The following CENPI variants were observed in gnomAD, a reference collection of about 807,000 sequenced individuals.
CENPI encodes FSH primary response 1.
A neutral mutation model predicts 60.4 loss-of-function variants in CENPI; 4 were observed. That is an observed-to-expected ratio of 0.07 (90% CI 0.03 to 0.15). CENPI has a LOEUF of 0.15. Among genes scored for constraint, CENPI ranks in the 10% least tolerant of loss-of-function variants. The pLI, the probability that CENPI is intolerant of heterozygous loss-of-function variation, is 1.00. For synonymous variants in CENPI, 157 were observed against 189.4 expected (o/e 0.83, Z 1.40); for missense variants, 444 against 534.5 (o/e 0.83, Z 1.67).
At chrX:101,157,698 T>G (rs1175229866) in intron 20 of CENPI, among the ~76,000 whole-genome samples, 1 of 108,608 alleles carries the variant, frequency 9.2e-6, no homozygotes, top group Admixed American at 1.0e-4. Flanking sequence ...TTCATTTTTT[T>G]AATATGGGGT....
intron 10 of CENPI, 44 bp downstream of exon 10, chrX:101,127,310 T>C: frequency 9.2e-7 from 1 of 1,083,677 alleles, no homozygotes; most frequent in Non-Finnish European, 1.2e-6. Flanking sequence ...TTTCTTTTAT[T>C]AAATCCAAAT....
At chrX:101,142,051 T>A (rs1230809348) in intron 16 of CENPI, among the ~76,000 whole-genome samples, 2 of 111,848 alleles carry the variant, frequency 1.8e-5, no homozygotes, top group African/African-American at 3.2e-5. Context: ...TCTCTTTTAC[T>A]TGTGGTTCTC....
chrX:101,166,243 C>T (rs749339887), downstream of CENPI, among the ~76,000 whole-genome samples: 2 of 111,724 alleles, frequency 1.8e-5, no homozygotes, highest in East Asian at 5.7e-4. Context: ...GCAACCTCTG[C>T]CTCCCGGATT....
chrX:101,102,815 G>A (rs1404182730), intron 4 of CENPI, among the ~76,000 whole-genome samples: 1 of 107,005 alleles, frequency 9.3e-6, no homozygotes, highest in Non-Finnish European at 1.9e-5. Context: ...GAGTAGCTGG[G>A]ACTACAGGTG....
Position 101,110,142 on chromosome X carries a change from A to G in CENPI, c.591+144A>G, listed in dbSNP as rs2089538057. On this transcript the variant is annotated intron_variant, in intron 6 of 21. Transcript: ENST00000682095. Reference sequence around the variant, plus strand: ...AAACATATAGAAATGTACCAAGATAACGTAGACATATCAAATATACAGAAA... The same window carrying G: ...AAACATATAGAAATGTACCAAGATAGCGTAGACATATCAAATATACAGAAA... 1.2e-5 allele frequency: 4 copies of G among 342,807 alleles called. No homozygotes were observed. The Admixed American group carries it at 2.2e-4, about 19-fold the overall frequency. 28.3% of individuals were successfully genotyped at this position (342,807 alleles called of 1,213,427 possible).
At chrX:101,160,645 C>T (rs1602866473) in intron 20 of CENPI, among the ~76,000 whole-genome samples, 1 of 110,639 alleles carries the variant, frequency 9.0e-6, no homozygotes, top group East Asian at 2.8e-4. Flanking sequence ...GCCTCAGCCT[C>T]CCAAAGTGCT....
chrX:101,132,355 T>G (rs1384298400), intron 14 of CENPI, 37 bp from the exon 15 acceptor site: 19 of 1,195,344 alleles, frequency 1.6e-5, no homozygotes, highest in Non-Finnish European at 2.2e-5. Context: ...GTACTATGAT[T>G]GAAAGGATTT....
chrX:101,132,831 A>G (rs1425361954), intron 15 of CENPI, among the ~76,000 whole-genome samples: 3 of 111,875 alleles, frequency 2.7e-5, no homozygotes, highest in Non-Finnish European at 3.8e-5. Flanking sequence ...CCTTCTTGAC[A>G]CTGGGAATAT....
intron 8 of CENPI, among the ~76,000 whole-genome samples, chrX:101,123,780 G>T (rs1414509769): frequency 9.1e-6 from 1 of 109,559 alleles, no homozygotes; most frequent in East Asian, 2.9e-4. Context: ...TAGAGACAGG[G>T]TCTCTCTATG....
intron 20 of CENPI, among the ~76,000 whole-genome samples, chrX:101,156,058 G>T (rs1385696628): frequency 9.1e-6 from 1 of 109,985 alleles, no homozygotes; most frequent in Non-Finnish European, 1.9e-5. Flanking sequence ...CGTCACCCAG[G>T]CTGGAGTGCA....
intron 6 of CENPI, among the ~76,000 whole-genome samples, chrX:101,117,349 C>T (rs1213361571): frequency 3.6e-5 from 4 of 111,453 alleles, no homozygotes; most frequent in East Asian, 2.8e-4. Flanking sequence ...TACAGGCATG[C>T]ACCACCATGC....
Position 101,109,541 on chromosome X carries a change from G to C in CENPI, c.433G>C (p.Val145Leu), listed in dbSNP as rs2051707966. ...AACAGTAATATCAGAAGATTCTGTG[G>C]TTAAGGCAGTCTCCTGGCTTTGTGT... ...PATVISEDSV[V>L]KAVSWLCVGK... is the part of the protein sequence containing the mutation. Residue 145 changes from valine (V) to leucine (L), a missense_variant, in exon 5 of 22, where the codon GTT (valine) becomes CTT (leucine). By Grantham distance (32) the Val-to-Leu change is conservative. Coordinates refer to ENST00000682095, the MANE Select transcript of CENPI (RefSeq NM_001386188.2). 8.3e-7 allele frequency: 1 copy of C among 1,208,521 alleles called. No individual in the cohort carries two copies. Among genetic ancestry groups the C allele is most frequent in the South Asian group, 1.8e-5 (1 of 56,835 alleles).
intron 18 of CENPI, 71 bp from the exon 19 acceptor site, chrX:101,147,692 A>G (rs1051653465): frequency 7.3e-6 from 6 of 818,869 alleles, no homozygotes; most frequent in Non-Finnish European, 1.1e-5. Flanking sequence ...TTTTTTTTAA[A>G]TTTTACCATT....
chrX:101,120,325 A>G, intron 6 of CENPI, 77 bp from the exon 7 acceptor site: 1 of 481,614 alleles, frequency 2.1e-6, no homozygotes. Flanking sequence ...CGTAAGATTG[A>G]CATTTGAGGA....
intron 15 of CENPI, among the ~76,000 whole-genome samples, chrX:101,139,078 C>T (rs1021381626): frequency 8.2e-5 from 8 of 98,007 alleles, no homozygotes; most frequent in South Asian, 5.1e-4. Flanking sequence ...CGTGAGCCAC[C>T]GCGCCCGACC....
intron 20 of CENPI, among the ~76,000 whole-genome samples, chrX:101,160,728 A>G (rs138535315): frequency 0.026 from 2,923 of 111,328 alleles, 44 homozygotes; most frequent in Middle Eastern, 0.041. Flanking sequence ...TGTATTTCCA[A>G]TAGCCAAGAG....
At position 101,101,271 on chromosome X, in the gene CENPI, A is replaced by C. The variant is rs748685872; in HGVS notation, c.201A>C (p.Gln67His). The C allele has an allele frequency of 8.4e-7, 1 of 1,197,296 alleles. No homozygotes were observed. Among genetic ancestry groups the C allele is most frequent in the Admixed American group, 2.2e-5 (1 of 45,973 alleles). The change falls in exon 3 of 22, where the codon CAA becomes CAC. Residue 67 changes from glutamine (Q) to histidine (H), a missense_variant. Coordinates refer to ENST00000682095, the MANE Select transcript of CENPI (RefSeq NM_001386188.2). ...ADDQAEEDAL[Q>H]MAVGYFEKGP... ...ATCAAGCTGAAGAAGATGCTTTGCA[A>C]ATGGCAGTGGGATATTTTGAGAAAG... is the stretch of plus-strand genomic sequence containing the variant.
At chrX:101,148,288 C>T (rs186165830) in intron 20 of CENPI, 127 bp downstream of exon 20, 2 of 563,633 alleles carry the variant, frequency 3.5e-6, no homozygotes, top group Admixed American at 7.6e-5. Flanking sequence ...TAAGTAACAA[C>T]TAAATTTTGG....
chrX:101,120,635 G>A (rs182679389), intron 7 of CENPI, 103 bp from the exon 8 acceptor site: 33 of 787,965 alleles, frequency 4.2e-5, no homozygotes, highest in Non-Finnish European at 5.9e-5. Flanking sequence ...TCCTTGATAT[G>A]TTACAAGAAG....
Sources: allele counts gnomAD v4.1 joint callset (sites outside exome capture counted in the v4.1 genomes callset), GRCh38; gene constraint gnomAD v4.1.1; transcripts MANE v1.5; gene names NCBI Gene and HGNC (gene_info 2026-07-23, HGNC 2026-07-21).